Variants in HERC1 observed in about 807,000 individuals in gnomAD.
The protein encoded by HERC1 is HECT and RLD domain containing E3 ubiquitin protein ligase family member 1.
Under a neutral mutation model 554.3 loss-of-function variants are expected in HERC1, and 160 were observed. The ratio of observed to expected loss-of-function variants is 0.29; its 90% CI spans 0.25 to 0.33. The LOEUF (loss-of-function observed/expected upper bound fraction) is 0.33, where lower values mean the gene tolerates loss of function less well. Among genes scored for constraint, HERC1 ranks in the 10% least tolerant of loss-of-function variants. The probability of loss-of-function intolerance (pLI) is 1.00; values close to 1 mark genes in which losing one functional copy is unlikely to be tolerated. For missense variants in HERC1, 4,919 were observed against 5,918.5 expected, an observed-to-expected ratio of 0.83 and a Z score of 5.54; for synonymous variants, 2,175 against 2,131.7, an observed-to-expected ratio of 1.02 and a Z score of -0.56.
chr15:63,735,543 A>T (rs1043330391), intron 12 of HERC1, among the ~76,000 whole-genome samples: 1 of 145,702 alleles, frequency 6.9e-6, no homozygotes, highest in Non-Finnish European at 1.5e-5. Context: ...TTAAAGTATA[A>T]AAAAAAAAAA....
chr15:63,833,189 C>T (rs1473142445), intron 1 of HERC1, among the ~76,000 whole-genome samples: 3 of 152,186 alleles, frequency 2.0e-5, no homozygotes, highest in Non-Finnish European at 4.4e-5. Context: ...CTAAACAATG[C>T]GCCCCGCCTC....
intron 33 of HERC1, among the ~76,000 whole-genome samples, chr15:63,689,082 A>C (rs1405936692): frequency 2.0e-5 from 3 of 152,220 alleles, no homozygotes; most frequent in African/African-American, 4.8e-5. Flanking sequence ...AAGTGGCACC[A>C]AAAAAGAGTT....
At chr15:63,686,283 A>T in intron 34 of HERC1, 76 bp downstream of exon 34, 1 of 1,076,276 alleles carries the variant, frequency 9.3e-7, no homozygotes, top group Non-Finnish European at 1.3e-6. Flanking sequence ...CAGTCTTTCT[A>T]CACATTTATT....
At chr15:63,763,235 T>G (rs910917728) in intron 3 of HERC1, among the ~76,000 whole-genome samples, 1 of 152,156 alleles carries the variant, frequency 6.6e-6, no homozygotes, top group Non-Finnish European at 1.5e-5. Flanking sequence ...AACGATAGAA[T>G]TAGAATATCA....
chr15:63,729,983 G>A (rs1044964607), intron 14 of HERC1, among the ~76,000 whole-genome samples: 3 of 137,134 alleles, frequency 2.2e-5, no homozygotes, highest in Non-Finnish European at 4.5e-5. Context: ...CCAAGATCAC[G>A]CCATTGCACT....
intron 24 of HERC1, among the ~76,000 whole-genome samples, chr15:63,709,853 T>TAA (rs1327412967): frequency 6.6e-6 from 1 of 152,124 alleles, no homozygotes; most frequent in Non-Finnish European, 1.5e-5. Context: ...AGACAAACGG[T>TAA]AAATTATCAG....
Position 63,734,387 on chromosome 15 carries a change from AT to A in HERC1, c.2646+336del, listed in dbSNP as rs546689468. 1.1e-3 allele frequency among the ~76,000 whole-genome samples: 170 copies of A among 152,310 alleles called. 3 individuals carry two copies. Among genetic ancestry groups the A allele is most frequent in the Admixed American group, 9.0e-3 (138 of 15,304 alleles). On this transcript the variant is annotated intron_variant, in intron 13 of 77. Transcript: ENST00000443617. This position sits in a 1 kb window ranked among gnomAD's most constrained non-coding sequence, Gnocchi z 4.6. ...GTCATCTATACTCTTTATACAAACG[AT>A]TTCAGACAAAGTTCTCAGCATGGAA... is the stretch of plus-strand genomic sequence containing the variant.
At chr15:63,617,076 T>C (rs1189291466) in intron 74 of HERC1, among the ~76,000 whole-genome samples, 2 of 152,122 alleles carry the variant, frequency 1.3e-5, no homozygotes, top group East Asian at 1.9e-4. Flanking sequence ...TTGTTACATA[T>C]GTATACATGT....
In HERC1 at chr15:63,674,608, T is replaced by G; in HGVS notation, c.7580A>C (p.Lys2527Thr). ...TGGTATCAGCAACAGCTCAGCATAT[T>G]TACTACAGCCAAGAAGGGCACTAAG... ...KSLSALLGCS[K>T]YAELLLIPKV... The change falls in exon 38 of 78, where the codon AAA becomes ACA. Residue 2527 changes from lysine (K) to threonine (T), a missense_variant. Physicochemically the swap from Lys to Thr is moderately conservative, Grantham distance 78. Transcript: ENST00000443617. 6.2e-7 allele frequency: 1 copy of G among 1,613,026 alleles called. No individual in the cohort carries two copies.
Position 63,637,538 on chromosome 15 carries a change from G to A in HERC1, c.12199C>T (p.Leu4067Phe). The change falls in exon 64 of 78, where the codon CTT becomes TTT. Residue 4067 changes from leucine (L) to phenylalanine (F), a missense_variant. This residue lies in a region of HERC1 where 122 missense variants were observed against 195.2 expected (regional missense o/e 0.63). Coordinates refer to ENST00000443617, the MANE Select transcript of HERC1 (RefSeq NM_003922.4). ...GRLGQGNSDD[L>F]HVLTVISALQ... Reference sequence around the variant, plus strand: ...GCTGAAATAACTGTCAGCACATGAAGGTCATCTGAATTTCCTTGTCCTAAT... The same window carrying A: ...GCTGAAATAACTGTCAGCACATGAAAGTCATCTGAATTTCCTTGTCCTAAT... The A allele has an allele frequency of 6.4e-7, 1 of 1,566,966 alleles. No homozygotes were observed. The highest frequency in any genetic ancestry group is 8.7e-7 in the Non-Finnish European group (1 of 1,154,256).
chr15:63,644,888 C>A (rs551769827), intron 57 of HERC1, 104 bp downstream of exon 57: 2 of 799,702 alleles, frequency 2.5e-6, no homozygotes, highest in East Asian at 4.9e-5. Flanking sequence ...GGATCTTGCC[C>A]TTTGGGATAT....
intron 39 of HERC1, 139 bp downstream of exon 39, chr15:63,672,357 G>T: frequency 3.3e-6 from 2 of 601,560 alleles, no homozygotes; most frequent in Non-Finnish European, 2.8e-6. Context: ...AGTAAAATGA[G>T]CTTGACTATA....
chr15:63,728,997 A>T (rs2074159767), intron 16 of HERC1, among the ~76,000 whole-genome samples: 1 of 151,950 alleles, frequency 6.6e-6, no homozygotes, highest in Admixed American at 6.5e-5. Context: ...TAAAATTAAT[A>T]TTTTTGAGTT....
intron 1 of HERC1, among the ~76,000 whole-genome samples, chr15:63,792,948 T>A (rs998313777): frequency 2.0e-4 from 30 of 152,354 alleles, no homozygotes; most frequent in African/African-American, 7.0e-4. Context: ...TGGGGTTTGA[T>A]TACTTTCTAG....
At chr15:63,731,790 TAAGTG>T (rs1454656776) in intron 14 of HERC1, among the ~76,000 whole-genome samples, 2 of 152,188 alleles carry the variant, frequency 1.3e-5, no homozygotes, top group Non-Finnish European at 2.9e-5. Flanking sequence ...TCTGATCCTG[TAAGTG>T]CTGATGAGTA....
chr15:63,825,126 TG>T (rs2077849113), intron 1 of HERC1, among the ~76,000 whole-genome samples: 1 of 152,026 alleles, frequency 6.6e-6, no homozygotes, highest in Non-Finnish European at 1.5e-5. Context: ...CTGGCCAACT[TG>T]GCAAAACCCC....
At chr15:63,792,931 G>A (rs888938159) in intron 1 of HERC1, among the ~76,000 whole-genome samples, 22 of 152,180 alleles carry the variant, frequency 1.4e-4, no homozygotes, top group African/African-American at 3.9e-4. Flanking sequence ...TTCCCACACC[G>A]CACTCCTGGG....
At chr15:63,687,413 C>G (rs2071831602) in intron 33 of HERC1, among the ~76,000 whole-genome samples, 1 of 152,076 alleles carries the variant, frequency 6.6e-6, no homozygotes, top group African/African-American at 2.4e-5. Flanking sequence ...TGGCAGGTGC[C>G]TGTAATCCCA....
In HERC1 at chr15:63,680,872, A is replaced by T; in HGVS notation, c.6226-96T>A. The stretch of plus-strand genomic sequence containing the variant: ...TACTGAAAATATGTTTATAAATAAT[A>T]CTAATGCATTTATGGAAACATGTTA... On this transcript the variant is annotated intron_variant, in intron 34 of 77. Coordinates refer to ENST00000443617, the MANE Select transcript of HERC1 (RefSeq NM_003922.4). The surrounding 1 kb of genome is among the most constrained non-coding windows in gnomAD (Gnocchi z 5.8). 1.3e-6 allele frequency: 1 copy of T among 757,792 alleles called. No homozygotes were observed. Among genetic ancestry groups the T allele is most frequent in the Non-Finnish European group, 2.2e-6 (1 of 462,052 alleles). The allele number at this position is 757,792 out of a possible 1,614,324, so 46.9% of individuals were successfully genotyped here.
Sources: gnomAD v4.1 joint callset for allele counts (sites outside exome capture counted in the v4.1 genomes callset) on GRCh38, gnomAD v4.1.1 for gene constraint, gnomAD v4.1.1 regional missense constraint, Gnocchi (gnomAD v3.1) non-coding constraint, MANE v1.5 for transcripts, NCBI Gene and HGNC (gene_info 2026-07-23, HGNC 2026-07-21) for gene names.